The following RALGAPA1 variants were observed in gnomAD, a reference collection of about 807,000 sequenced individuals.
The protein encoded by RALGAPA1 is Ral GTPase activating protein catalytic subunit alpha 1, also known as ral GTPase-activating protein subunit alpha-1.
In RALGAPA1, 52 loss-of-function variants were observed where a neutral mutation model predicts 269.6. The observed-to-expected ratio is 0.19, with a 90% CI of 0.15 to 0.24. The LOEUF is 0.24. Ranked by LOEUF, RALGAPA1 falls within the 10% of genes least tolerant of loss-of-function variation. The probability of loss-of-function intolerance (pLI) is 1.00; values close to 1 mark genes in which losing one functional copy is unlikely to be tolerated. For missense variants in RALGAPA1, 1,917 were observed against 3,013.9 expected, an observed-to-expected ratio of 0.64 and a Z score of 8.52; for synonymous variants, 817 against 1,008.3, an observed-to-expected ratio of 0.81 and a Z score of 3.60.
intron 10 of RALGAPA1, among the ~76,000 whole-genome samples, chr14:35,747,174 C>T (rs930070123): frequency 2.0e-5 from 3 of 151,668 alleles, no homozygotes; most frequent in Non-Finnish European, 4.4e-5. Flanking sequence ...AATCACCAGG[C>T]AATTAAATAC....
intron 37 of RALGAPA1, among the ~76,000 whole-genome samples, chr14:35,591,599 A>G (rs4982295): frequency 0.13 from 19,740 of 152,178 alleles, 2,177 homozygotes; most frequent in East Asian, 0.31. Context: ...GGCATAAGCA[A>G]GCCACCACAC....
At chr14:35,780,971 A>T (rs1284575864) in intron 1 of RALGAPA1, among the ~76,000 whole-genome samples, 1 of 152,128 alleles carries the variant, frequency 6.6e-6, no homozygotes, top group Admixed American at 6.6e-5. Flanking sequence ...CATATATACG[A>T]AAATAAAGAG....
chr14:35,773,227 C>A (rs75412345), intron 3 of RALGAPA1, among the ~76,000 whole-genome samples: 1 of 151,994 alleles, frequency 6.6e-6, no homozygotes, highest in East Asian at 1.9e-4. Flanking sequence ...GAATATAAAA[C>A]CTCTACCATA....
intron 29 of RALGAPA1, among the ~76,000 whole-genome samples, chr14:35,655,023 C>A (rs868766462): frequency 6.6e-6 from 1 of 152,088 alleles, no homozygotes; most frequent in Non-Finnish European, 1.5e-5. Context: ...ATATTATACA[C>A]GCAGTTTATA....
At chr14:35,649,045 A>G (rs1030188983) in intron 31 of RALGAPA1, among the ~76,000 whole-genome samples, 5 of 152,204 alleles carry the variant, frequency 3.3e-5, no homozygotes, top group Admixed American at 3.3e-4. Flanking sequence ...TCACAATGTT[A>G]ATACTACTCA....
At chr14:35,542,037 A>T (rs956178879) in intron 41 of RALGAPA1, 1 of 1,245,132 alleles carries the variant, frequency 8.0e-7, no homozygotes, top group Non-Finnish European at 1.1e-6. Context: ...CAACTAACAA[A>T]ACAAGTTCAA....
intron 6 of RALGAPA1, among the ~76,000 whole-genome samples, chr14:35,758,897 T>C (rs1464295833): frequency 6.6e-6 from 1 of 152,144 alleles, no homozygotes; most frequent in Non-Finnish European, 1.5e-5. Flanking sequence ...GAGGACTGCT[T>C]GACTTTAGGA....
At chr14:35,725,314 T>C (rs764317057) in intron 13 of RALGAPA1, among the ~76,000 whole-genome samples, 161 bp from the exon 14 acceptor site, 10 of 152,210 alleles carry the variant, frequency 6.6e-5, no homozygotes, top group Non-Finnish European at 1.5e-4. Context: ...AAAATTAAAA[T>C]TACATTTTAT....
chr14:35,539,830 T>C (rs1384547186), intron 41 of RALGAPA1, 140 bp from the exon 42 acceptor site: 7 of 1,251,966 alleles, frequency 5.6e-6, no homozygotes, highest in Non-Finnish European at 6.5e-6. Flanking sequence ...CCAAACTTGC[T>C]TGTTACAATA....
At chr14:35,548,914 T>C (rs898189287) in intron 40 of RALGAPA1, among the ~76,000 whole-genome samples, 196 bp downstream of exon 40, 2 of 152,172 alleles carry the variant, frequency 1.3e-5, no homozygotes, top group East Asian at 1.9e-4. Context: ...TTTATGAAGA[T>C]AGTTGACTTT....
At chr14:35,548,658 C>T in intron 40 of RALGAPA1, 120 bp from the exon 41 acceptor site, 1 of 605,800 alleles carries the variant, frequency 1.7e-6, no homozygotes, top group Middle Eastern at 4.5e-4. Context: ...ATGCAGTACC[C>T]TCTTACACTC....
intron 17 of RALGAPA1, among the ~76,000 whole-genome samples, chr14:35,694,230 C>T (rs954547324): frequency 6.6e-6 from 1 of 152,062 alleles, no homozygotes; most frequent in Non-Finnish European, 1.5e-5. Flanking sequence ...ATCCCCTTTA[C>T]TAAAGTTAAA....
At chr14:35,705,885 T>C (rs973524326) in intron 16 of RALGAPA1, among the ~76,000 whole-genome samples, 7 of 152,204 alleles carry the variant, frequency 4.6e-5, no homozygotes, top group Admixed American at 6.5e-5. Flanking sequence ...TAATTTGCAA[T>C]AGTCTAATGA....
chr14:35,761,110 G>C (rs1377138921), intron 5 of RALGAPA1, 104 bp from the exon 6 acceptor site: 2 of 782,570 alleles, frequency 2.6e-6, no homozygotes, highest in East Asian at 5.5e-5. Flanking sequence ...TGATACTTTC[G>C]AGAGGCAGGG....
chr14:35,700,420 T>A, intron 16 of RALGAPA1, 118 bp from the exon 17 acceptor site: 43 of 497,928 alleles, frequency 8.6e-5, no homozygotes, highest in Non-Finnish European at 1.2e-4. Context: ...AGGAAGGAAA[T>A]TATAAATTAA....
chr14:35,635,380 A>G (rs1428780725), intron 32 of RALGAPA1, 84 bp downstream of exon 32: 1 of 1,378,008 alleles, frequency 7.3e-7, no homozygotes, highest in African/African-American at 1.5e-5. Context: ...CTAAAAGAAT[A>G]AAAATGTTAT....
intron 37 of RALGAPA1, among the ~76,000 whole-genome samples, chr14:35,584,872 G>C (rs975133859): frequency 2.6e-5 from 4 of 152,042 alleles, no homozygotes; most frequent in African/African-American, 9.7e-5. Context: ...ATCACTTTAA[G>C]AATTAATGTT....
At chr14:35,582,470 A>G (rs1038988664) in intron 37 of RALGAPA1, among the ~76,000 whole-genome samples, 3 of 152,120 alleles carry the variant, frequency 2.0e-5, no homozygotes, top group Admixed American at 2.0e-4. Context: ...TCCCCTCCCC[A>G]TTCCTGGTGT....
At chr14:35,631,934 C>G (rs1284265282) in intron 33 of RALGAPA1, among the ~76,000 whole-genome samples, 1 of 146,744 alleles carries the variant, frequency 6.8e-6, no homozygotes, top group African/African-American at 2.7e-5. Context: ...AGCTCAGGTA[C>G]CAGAGTATCC....
Sources: allele counts gnomAD v4.1 joint callset (sites outside exome capture counted in the v4.1 genomes callset), GRCh38; gene constraint gnomAD v4.1.1; transcripts MANE v1.5; gene names NCBI Gene and HGNC (gene_info 2026-07-23, HGNC 2026-07-21).